The following PCDH15 variants were observed in gnomAD, a reference collection of about 807,000 sequenced individuals.
PCDH15 encodes protocadherin related 15.
A neutral mutation model predicts 178.5 loss-of-function variants in PCDH15; 129 were observed. That is an observed-to-expected ratio of 0.72 (90% CI 0.63 to 0.84). The LOEUF is 0.84. Among genes scored for constraint, PCDH15 ranks in the 40% least tolerant of loss-of-function variants. The pLI is 0.00. For missense variants in PCDH15, 2,230 were observed against 2,099.9 expected, an observed-to-expected ratio of 1.06 and a Z score of -1.21; for synonymous variants, 800 against 732.0, an observed-to-expected ratio of 1.09 and a Z score of -1.50.
chr10:55,151,698 C>A (rs1838719620), intron 2 of PCDH15, among the ~76,000 whole-genome samples: 1 of 152,020 alleles, frequency 6.6e-6, no homozygotes, highest in Admixed American at 6.6e-5. Flanking sequence ...TTTTTGCAGA[C>A]TAACATTTCC....
intron 2 of PCDH15, among the ~76,000 whole-genome samples, chr10:55,411,356 T>C (rs1364638776): frequency 6.6e-6 from 1 of 152,102 alleles, no homozygotes; most frequent in Non-Finnish European, 1.5e-5. Flanking sequence ...ACTATAATTG[T>C]GAACTAAAAT....
chr10:53,868,411 T>A (rs867562996), intron 26 of PCDH15, among the ~76,000 whole-genome samples: 1 of 152,200 alleles, frequency 6.6e-6, no homozygotes, highest in South Asian at 2.1e-4. Flanking sequence ...CTGAGGAATA[T>A]ATTGTTTTAC....
chr10:55,310,741 G>A (rs773220126), intron 1 of PCDH15, among the ~76,000 whole-genome samples: 2 of 152,060 alleles, frequency 1.3e-5, no homozygotes, highest in African/African-American at 2.4e-5. Context: ...AGATAAAGCT[G>A]GAAGCCATCA....
At chr10:54,784,171 G>T (rs1950624387) in intron 1 of PCDH15, among the ~76,000 whole-genome samples, 1 of 151,900 alleles carries the variant, frequency 6.6e-6, no homozygotes. Flanking sequence ...GGGTTATAGG[G>T]ATTATGAGGG....
intron 3 of PCDH15, among the ~76,000 whole-genome samples, chr10:54,420,598 A>T (rs1026938982): frequency 2.0e-5 from 3 of 152,088 alleles, no homozygotes; most frequent in African/African-American, 7.2e-5. Flanking sequence ...GAGGAGTGAC[A>T]TGATTTGACA....
chr10:55,477,456 G>T (rs1269465908), intron 2 of PCDH15, among the ~76,000 whole-genome samples: 1 of 151,874 alleles, frequency 6.6e-6, no homozygotes, highest in Admixed American at 6.6e-5. Context: ...ATTAGATTCT[G>T]GTCATAAGCA....
At chr10:55,620,308 A>AT (rs1261102643) in intron 2 of PCDH15, among the ~76,000 whole-genome samples, 2,546 of 146,500 alleles carry the variant, frequency 0.017, 62 homozygotes, top group African/African-American at 0.055. Context: ...TTGAAAAACT[A>AT]TTTTTTTTTT....
intron 1 of PCDH15, among the ~76,000 whole-genome samples, chr10:55,188,483 C>T (rs1168112855): frequency 2.0e-5 from 3 of 151,746 alleles, no homozygotes; most frequent in Admixed American, 1.3e-4. Flanking sequence ...AAAGTAATGC[C>T]GTCATATTCA....
chr10:54,917,847 A>C (rs1234921013), intron 2 of PCDH15, among the ~76,000 whole-genome samples: 2 of 152,222 alleles, frequency 1.3e-5, no homozygotes, highest in African/African-American at 4.8e-5. Flanking sequence ...AATGGTTTAA[A>C]AAATAAAAGA....
chr10:53,906,763 C>T (rs2082709057), intron 25 of PCDH15: 1 of 150,882 alleles, frequency 6.6e-6, no homozygotes, highest in Non-Finnish European at 1.5e-5. Context: ...ACAGCAAACT[C>T]TCTTCTTTTA....
At chr10:55,359,226 T>C (rs1394503019) in intron 2 of PCDH15, among the ~76,000 whole-genome samples, 1 of 151,916 alleles carries the variant, frequency 6.6e-6, no homozygotes, top group Non-Finnish European at 1.5e-5. Context: ...ATTAGTTTTT[T>C]TTTTAAATGG....
chr10:54,144,899 C>T (rs945493464), intron 14 of PCDH15, among the ~76,000 whole-genome samples: 3 of 152,080 alleles, frequency 2.0e-5, no homozygotes, highest in Admixed American at 6.6e-5. Context: ...ATCTGCTTTC[C>T]ATTTCTCCCT....
intron 3 of PCDH15, among the ~76,000 whole-genome samples, chr10:54,435,278 G>A (rs61853576): frequency 6.6e-6 from 1 of 152,056 alleles, no homozygotes; most frequent in Non-Finnish European, 1.5e-5. Flanking sequence ...GATTCTGACA[G>A]CCTGGAATTT....
chr10:55,069,033 G>T (rs1328241162), intron 2 of PCDH15, among the ~76,000 whole-genome samples: 1 of 151,250 alleles, frequency 6.6e-6, no homozygotes, highest in African/African-American at 2.4e-5. Context: ...AAGTAGCTGG[G>T]ATTACAGGTA....
chr10:54,505,299 T>G (rs983384612), intron 3 of PCDH15, among the ~76,000 whole-genome samples: 4 of 152,132 alleles, frequency 2.6e-5, no homozygotes, highest in African/African-American at 9.7e-5. Flanking sequence ...CACAGGTCTC[T>G]GTATGTAGCT....
chr10:54,184,002 G>A (rs1019507873), intron 12 of PCDH15, among the ~76,000 whole-genome samples: 20 of 152,212 alleles, frequency 1.3e-4, no homozygotes, highest in Non-Finnish European at 2.8e-4. Context: ...ATACCATCAG[G>A]AAGGTAGACT....
In PCDH15 at chr10:54,641,797, C is replaced by T. The variant is rs866565587; in HGVS notation, c.91+22375G>A. Among the ~76,000 whole-genome samples, 12 of 152,202 alleles carry T rather than the reference C, an allele frequency of 7.9e-5. No individual in the cohort carries two copies. The South Asian group carries it at 2.1e-3, about 26-fold the overall frequency. On this transcript the variant is annotated intron_variant, in intron 2 of 37. Transcript: ENST00000644397. ...CACAAATCCACTCTCTTCACTATAG[C>T]GAGTGATCTGTTTTAGAATAAATTG...
At chr10:54,089,338 G>C (rs921370030) in intron 16 of PCDH15, among the ~76,000 whole-genome samples, 2 of 152,186 alleles carry the variant, frequency 1.3e-5, no homozygotes, top group African/African-American at 2.4e-5. Context: ...GAAGAGCCAA[G>C]CTCTTTAGAA....
Position 55,403,242 on chromosome 10 carries a change from G to T in PCDH15, c.-156+224383C>A. ...ATTTTTATTTTTTTGCTGGTGAGTT[G>T]TTTGAGTCCCTTATATATTCCAGGT... On this transcript the variant is annotated intron_variant, in intron 2 of 5. Coordinates refer to the PCDH15 transcript ENST00000613346. Among the ~76,000 whole-genome samples, 2 of 151,580 alleles carry T rather than the reference G, an allele frequency of 1.3e-5. 1 individual carries two copies.
Sources: gnomAD v4.1 joint callset for allele counts (sites outside exome capture counted in the v4.1 genomes callset) on GRCh38, gnomAD v4.1.1 for gene constraint, MANE v1.5 for transcripts, NCBI Gene and HGNC (gene_info 2026-07-23, HGNC 2026-07-21) for gene names.